ALPG: variants seen among roughly 807,000 people sequenced by gnomAD.
ALPG encodes alkaline phosphatase, germ cell, also known as alkaline phosphatase, germ cell type.
A neutral mutation model predicts 48.6 loss-of-function variants in ALPG; 32 were observed. That is an observed-to-expected ratio of 0.66 (90% CI 0.50 to 0.88). The LOEUF is 0.88. Ranked by LOEUF, ALPG falls within the 40% of genes least tolerant of loss-of-function variation. The probability of loss-of-function intolerance (pLI) is 0.00; values close to 1 mark genes in which losing one functional copy is unlikely to be tolerated. For missense variants in ALPG, 533 were observed against 718.1 expected, an observed-to-expected ratio of 0.74 and a Z score of 2.95; for synonymous variants, 244 against 308.9, an observed-to-expected ratio of 0.79 and a Z score of 2.20.
chr2:232,406,927 C>A lies in ALPG; in HGVS notation c.33C>A (p.Gly11=). 6.2e-7 allele frequency: 1 copy of A among 1,612,950 alleles called. No homozygotes were observed. Among genetic ancestry groups the A allele is most frequent in the Non-Finnish European group, 8.5e-7 (1 of 1,179,868 alleles). The part of the protein sequence containing the change: MQGPWVLLLL[G]LRLQLSLGII... ...GGCCCTGGGTGCTGCTCCTGCTGGG[C>A]CTGAGGCTACAGCTCTCCCTGGGCA... The change falls in exon 1 of 11, where the codon GGC becomes GGA. Residue 11 remains glycine, a synonymous_variant. Coordinates refer to ENST00000295453, the MANE Select transcript of ALPG (RefSeq NM_031313.3).
In ALPG at chr2:232,410,246, C is replaced by T. The variant is rs1697165342; in HGVS notation, c.*374C>T. 1.4e-5 allele frequency: 4 copies of T among 295,148 alleles called. No individual in the cohort carries two copies. The East Asian group carries it at 3.0e-4, about 22-fold the overall frequency. 18.3% of individuals were successfully genotyped at this position (295,148 alleles called of 1,614,324 possible). ...CTAGGACCCCCTGCGCCTTTTTTAG[C>T]TTCAGTCATGGCAGCACCTGAGGGA... On this transcript the variant is annotated 3_prime_UTR_variant, in exon 11 of 11. Coordinates refer to ENST00000295453, the MANE Select transcript of ALPG (RefSeq NM_031313.3).
intron 1 of ALPG, 46 bp from the exon 2 acceptor site, chr2:232,407,011 A>G: frequency 6.2e-7 from 1 of 1,608,552 alleles, no homozygotes; most frequent in Non-Finnish European, 8.5e-7. Flanking sequence ...CACACAGGGC[A>G]CCCCCCAGCC....
chr2:232,409,606 C>T lies in ALPG; in HGVS notation c.1333C>T (p.Pro445Ser), dbSNP rs772234274. 1.4e-5 allele frequency: 23 copies of T among 1,612,688 alleles called. No homozygotes were observed. In the Admixed American group the frequency reaches 2.3e-4, roughly 16 times the overall value. Residue 445 changes from proline (P) to serine (S), a missense_variant, in exon 11 of 11, where the codon CCC (proline) becomes TCC (serine). Coordinates refer to ENST00000295453, the MANE Select transcript of ALPG (RefSeq NM_031313.3). ...CGAGTATCGGCAGCAGTCAGCAGTG[C>T]CCCTGGACGGAGAGACCCACGCAGG... Reference protein sequence around the residue: ...SPEYRQQSAVPLDGETHAGED... With the variant: ...SPEYRQQSAVSLDGETHAGED...
rs368457694 is a variant in ALPG at position 232,407,943 on chromosome 2, G to A, written c.574G>A (p.Asp192Asn). 56 of 1,613,342 alleles carry A rather than the reference G, an allele frequency of 3.5e-5. No individual in the cohort carries two copies. Among genetic ancestry groups the A allele is most frequent in the South Asian group, 1.8e-4 (16 of 90,966 alleles). ...TVNRNWYSDA[D>N]VPASARQEGC... Reference sequence around the variant, plus strand: ...GAACCGCAACTGGTACTCGGATGCCGACGTGCCTGCCTCGGCCCGCCAGGA... The same window carrying A: ...GAACCGCAACTGGTACTCGGATGCCAACGTGCCTGCCTCGGCCCGCCAGGA... Residue 192 changes from aspartate (D) to asparagine (N), a missense_variant, in exon 5 of 11, where the codon GAC becomes AAC. By Grantham distance (23) the Asp-to-Asn change is conservative. Transcript: ENST00000295453.
Position 232,408,255 on chromosome 2 carries a change from C to T in ALPG, c.649-12C>T, listed in dbSNP as rs1697127385. 1.9e-6 allele frequency: 3 copies of T among 1,613,522 alleles called. No individual in the cohort carries two copies. Among genetic ancestry groups the T allele is most frequent in the African/African-American group, 1.3e-5 (1 of 75,004 alleles). On this transcript the variant is annotated splice_polypyrimidine_tract_variant and intron_variant, in intron 5 of 10. Coordinates refer to ENST00000295453, the MANE Select transcript of ALPG (RefSeq NM_031313.3). ...GGCCCCCAAATCCACCTGCCCCATC[C>T]TCTGTTCCCAGGTGATCCTAGGTGG...
chr2:232,407,354 G>A lies in ALPG; in HGVS notation c.253G>A (p.Glu85Lys), dbSNP rs1237162844. The change falls in exon 3 of 11, where the codon GAG becomes AAG. Residue 85 changes from glutamate (E) to lysine (K), a missense_variant. Coordinates refer to ENST00000295453, the MANE Select transcript of ALPG (RefSeq NM_031313.3). ...GCAGAAGAAGGACAAACTGGGGCCT[G>A]AGACCTTCCTGGCCATGGACCGCTT... ...KGQKKDKLGPETFLAMDRFPY... is the reference protein window; with the variant it reads ...KGQKKDKLGPKTFLAMDRFPY... 1 of 1,613,928 alleles carries A rather than the reference G, an allele frequency of 6.2e-7. No individual in the cohort carries two copies. The highest frequency in any genetic ancestry group is 8.5e-7 in the Non-Finnish European group (1 of 1,180,004).
Position 232,409,574 on chromosome 2 carries a change from G to A in ALPG, c.1301G>A (p.Gly434Glu), listed in dbSNP as rs1446188551. ...ARPDVTESES[G>E]SPEYRQQSAV... ...TACTGAAACTGAACCCTCCAACCAG[G>A]GAGCCCCGAGTATCGGCAGCAGTCA... is the stretch of plus-strand genomic sequence containing the variant. Residue 434 changes from glycine (G) to glutamate (E), a missense_variant and splice_region_variant, in exon 11 of 11, where the codon GGG (glycine) becomes GAG (glutamate). Physicochemically the swap from Gly to Glu is moderately conservative, Grantham distance 98. Transcript: ENST00000295453. 6.2e-7 allele frequency: 1 copy of A among 1,612,736 alleles called. No individual in the cohort carries two copies. The highest frequency in any genetic ancestry group is 1.7e-5 in the Admixed American group (1 of 59,954).
At position 232,410,013 on chromosome 2, in the gene ALPG, C is replaced by T. The variant is rs566755019; in HGVS notation, c.*141C>T. ...GTCCTGCCATGGAACCTTCCCCTCC[C>T]GGTGCACCCTGGGGACCGAGCCCTT... is the stretch of plus-strand genomic sequence containing the variant. On this transcript the variant is annotated 3_prime_UTR_variant, in exon 11 of 11. Coordinates refer to ENST00000295453, the MANE Select transcript of ALPG (RefSeq NM_031313.3). The T allele has an allele frequency of 6.6e-5, 85 of 1,297,170 alleles. No individual in the cohort carries two copies. The African/African-American group carries it at 9.0e-4, about 14-fold the overall frequency. 80.4% of individuals were successfully genotyped at this position (1,297,170 alleles called of 1,614,324 possible). A position where few individuals can be genotyped will look rare whatever the true frequency, so the allele number is the denominator to read the frequency against.
At chr2:232,408,166 A>G in intron 5 of ALPG, 101 bp from the exon 6 acceptor site, 1 of 1,580,444 alleles carries the variant, frequency 6.3e-7, no homozygotes. Context: ...AGGCTGGGCC[A>G]TTCCCACAGC....
At chr2:232,407,210 C>T (rs1488400608) in intron 2 of ALPG, 37 bp downstream of exon 2, 3 of 1,613,984 alleles carry the variant, frequency 1.9e-6, no homozygotes, top group Non-Finnish European at 2.5e-6. Context: ...GCAGCCCTCA[C>T]AGCCCCGGCG....
rs370089099 is a variant in ALPG, at chr2:232,408,148, C to T, written c.649-119C>T. The T allele has an allele frequency of 7.9e-4, 1,246 of 1,569,346 alleles. 4 individuals carry two copies. Among genetic ancestry groups the T allele is most frequent in the Non-Finnish European group, 9.3e-4 (1,080 of 1,158,042 alleles). On this transcript the variant is annotated intron_variant, in intron 5 of 10. Transcript: ENST00000295453. ...GAGGTGGGGTTGGGGGCGTAGAAGG[C>T]GCAGCCCAGGCTGGGCCATTCCCAC...
Position 232,410,147 on chromosome 2 carries a change from G to C in ALPG, c.*275G>C. On this transcript the variant is annotated 3_prime_UTR_variant, in exon 11 of 11. Coordinates refer to ENST00000295453, the MANE Select transcript of ALPG (RefSeq NM_031313.3). Reference sequence around the variant, plus strand: ...GCATTTCAGGAAAAGAGGAGGCTCAGACCATCCAGCCCCCGCCCATATCCT... The same window carrying C: ...GCATTTCAGGAAAAGAGGAGGCTCACACCATCCAGCCCCCGCCCATATCCT... The C allele has an allele frequency of 1.7e-6, 1 of 579,494 alleles. No individual in the cohort carries two copies. The highest frequency in any genetic ancestry group is 2.1e-5 in the South Asian group (1 of 46,968). 35.9% of individuals were successfully genotyped at this position (579,494 alleles called of 1,614,324 possible).
Position 232,408,010 on chromosome 2 carries a change from A to C in ALPG, c.641A>C (p.Asp214Ala), listed in dbSNP as rs780524913. The C allele has an allele frequency of 1.2e-5, 20 of 1,610,572 alleles. No homozygotes were observed. The highest frequency in any genetic ancestry group is 1.7e-5 in the Non-Finnish European group (20 of 1,178,628). Residue 214 changes from aspartate to alanine, a missense_variant, in exon 5 of 11, where the codon GAC (aspartate) becomes GCC (alanine). Around this residue, in one of 6 missense-constraint regions of ALPG, gnomAD observed 315 missense variants for 305.8 expected, o/e 1.03. Coordinates refer to ENST00000295453, the MANE Select transcript of ALPG (RefSeq NM_031313.3). ...GCCACGCAGCTCATCTCCAACATGG[A>C]CATTGATGTGCGACCCCCGGGCCAA... ...DIATQLISNM[D>A]IDVILGGGRK...
intron 5 of ALPG, 91 bp from the exon 6 acceptor site, chr2:232,408,176 C>T: frequency 1.3e-6 from 2 of 1,588,402 alleles, no homozygotes; most frequent in South Asian, 1.2e-5. Context: ...ATTCCCACAG[C>T]CTTGGGGAGG....
In ALPG at chr2:232,407,375, C is replaced by A. The variant is rs778145532; in HGVS notation, c.274C>A (p.Arg92Ser). 2 of 1,613,686 alleles carry A rather than the reference C, an allele frequency of 1.2e-6. No homozygotes were observed. Among genetic ancestry groups the A allele is most frequent in the South Asian group, 1.1e-5 (1 of 90,958 alleles). Reference sequence around the variant, plus strand: ...GCCTGAGACCTTCCTGGCCATGGACCGCTTCCCGTACGTGGCTCTGTCCAA... The same window carrying A: ...GCCTGAGACCTTCCTGGCCATGGACAGCTTCCCGTACGTGGCTCTGTCCAA... ...LGPETFLAMD[R>S]FPYVALSKTY... Residue 92 changes from arginine to serine, a missense_variant, in exon 3 of 11, where the codon CGC (arginine) becomes AGC (serine). By Grantham distance (110) the Arg-to-Ser change is moderately radical (BLOSUM62 -1). Around this residue, in one of 6 missense-constraint regions of ALPG, gnomAD observed 315 missense variants for 305.8 expected, o/e 1.03. Coordinates refer to ENST00000295453, the MANE Select transcript of ALPG (RefSeq NM_031313.3).
chr2:232,410,006 C>T lies in ALPG; in HGVS notation c.*134C>T. The T allele has an allele frequency of 7.5e-7, 1 of 1,333,454 alleles. No homozygotes were observed. Among genetic ancestry groups the T allele is most frequent in the South Asian group, 1.5e-5 (1 of 65,458 alleles). 82.6% of individuals were successfully genotyped at this position (1,333,454 alleles called of 1,614,324 possible). ...CACAGACGTCCTGCCATGGAACCTT[C>T]CCCTCCCGGTGCACCCTGGGGACCG... On this transcript the variant is annotated 3_prime_UTR_variant, in exon 11 of 11. Coordinates refer to ENST00000295453, the MANE Select transcript of ALPG (RefSeq NM_031313.3).
At position 232,410,158 on chromosome 2, in the gene ALPG, C is replaced by G. The variant is rs370832495; in HGVS notation, c.*286C>G. On this transcript the variant is annotated 3_prime_UTR_variant, in exon 11 of 11. Transcript: ENST00000295453. ...AAAGAGGAGGCTCAGACCATCCAGCCCCCGCCCATATCCTGAGGTGGATCA... is the reference window on the plus strand; with the variant it reads ...AAAGAGGAGGCTCAGACCATCCAGCGCCCGCCCATATCCTGAGGTGGATCA... The G allele has an allele frequency of 1.8e-6, 1 of 554,962 alleles. No individual in the cohort carries two copies. Among genetic ancestry groups the G allele is most frequent in the African/African-American group, 1.9e-5 (1 of 52,068 alleles). The allele number at this position is 554,962 out of a possible 1,614,324, so 34.4% of individuals were successfully genotyped here.
chr2:232,407,937 G>A lies in ALPG; in HGVS notation c.568G>A (p.Asp190Asn). The A allele has an allele frequency of 6.2e-7, 1 of 1,613,424 alleles. No individual in the cohort carries two copies. ...CACGGTGAACCGCAACTGGTACTCG[G>A]ATGCCGACGTGCCTGCCTCGGCCCG... is the stretch of plus-strand genomic sequence containing the variant. ...AHTVNRNWYSDADVPASARQE... is the reference protein window; with the variant it reads ...AHTVNRNWYSNADVPASARQE... The change falls in exon 5 of 11, where the codon GAT becomes AAT. Residue 190 changes from aspartate to asparagine, a missense_variant. This residue lies in a region of ALPG where 315 missense variants were observed against 305.8 expected (regional missense o/e 1.03). Transcript: ENST00000295453.
rs754257668 is a variant in ALPG, at chr2:232,409,452, A to G, written c.1300+4A>G. 21 of 1,488,350 alleles carry G rather than the reference A, an allele frequency of 1.4e-5. 1 individual carries two copies. The highest frequency in any genetic ancestry group is 1.9e-5 in the Non-Finnish European group (21 of 1,079,720). The allele number at this position is 1,488,350 out of a possible 1,614,324, so 92.2% of individuals were successfully genotyped here. On this transcript the variant is annotated splice_donor_region_variant and intron_variant, in intron 10 of 10. Coordinates refer to ENST00000295453, the MANE Select transcript of ALPG (RefSeq NM_031313.3). ...GATGTTACGGAGAGCGAGAGCGGTG[A>G]GTGCCGTGGGGTGGCCCCCTGAGGG...
Sources: gnomAD v4.1 joint callset for allele counts on GRCh38, gnomAD v4.1.1 for gene constraint, gnomAD v4.1.1 regional missense constraint, MANE v1.5 for transcripts, NCBI Gene and HGNC (gene_info 2026-07-23, HGNC 2026-07-21) for gene names.